The following PIP5K1A variants were observed in gnomAD, a reference collection of about 807,000 sequenced individuals.
The protein encoded by PIP5K1A is phosphatidylinositol-4-phosphate 5-kinase type 1 alpha, also known as phosphatidylinositol 4-phosphate 5-kinase type-1 alpha.
PIP5K1A carries 46 observed loss-of-function variants against 72.9 expected under a neutral mutation model. That is an observed-to-expected ratio of 0.63 (90% CI 0.50 to 0.81). PIP5K1A has a LOEUF of 0.81. PIP5K1A is among the 30% of genes least tolerant of loss of function. The probability of loss-of-function intolerance (pLI) is 0.00; values close to 1 mark genes in which losing one functional copy is unlikely to be tolerated. For missense variants in PIP5K1A, 458 were observed against 706.1 expected (o/e 0.65, Z 3.98); for synonymous variants, 228 against 255.1 (o/e 0.89, Z 1.01).
At chr1:151,241,789 A>G (rs1479625004) in intron 12 of PIP5K1A, among the ~76,000 whole-genome samples, 8 of 151,272 alleles carry the variant, frequency 5.3e-5, no homozygotes, top group Admixed American at 5.3e-4. Context: ...AACAAGAGCG[A>G]AACTCCATCT....
At chr1:151,210,779 G>T (rs908832322) in intron 1 of PIP5K1A, among the ~76,000 whole-genome samples, 1 of 151,884 alleles carries the variant, frequency 6.6e-6, no homozygotes. Flanking sequence ...GTAGAGACGG[G>T]TTTTGCCATG....
At chr1:151,222,648 C>T (rs879855702) in intron 1 of PIP5K1A, among the ~76,000 whole-genome samples, 1 of 152,058 alleles carries the variant, frequency 6.6e-6, no homozygotes. Context: ...TCTTCTAAAC[C>T]GTTTCCTCTG....
intron 14 of PIP5K1A, among the ~76,000 whole-genome samples, chr1:151,243,234 C>G (rs1037351735): frequency 6.6e-6 from 1 of 152,198 alleles, no homozygotes; most frequent in African/African-American, 2.4e-5. Flanking sequence ...GTCGAAAATA[C>G]ACTGACCCCC....
Position 151,244,194 on chromosome 1 carries a change from AGT to A in PIP5K1A, c.1640+1628_1640+1629del, listed in dbSNP as rs146351430. Among the ~76,000 whole-genome samples, 1,184 of 149,342 alleles carry A rather than the reference AGT, an allele frequency of 7.9e-3. 14 individuals are homozygous for A. The highest frequency in any genetic ancestry group is 0.017 in the Middle Eastern group (5 of 288). ...AAAAAATACTGAAAAAAAAAAAAAA[AGT>A]CGTGAAAATGTTATGTTGTTGCTGA... is the stretch of plus-strand genomic sequence containing the variant. On this transcript the variant is annotated intron_variant, in intron 14 of 15. Coordinates refer to ENST00000368888, the MANE Select transcript of PIP5K1A (RefSeq NM_001135638.2).
chr1:151,203,966 A>G (rs1015057486), intron 1 of PIP5K1A, among the ~76,000 whole-genome samples: 1 of 152,172 alleles, frequency 6.6e-6, no homozygotes, highest in African/African-American at 2.4e-5. Context: ...TGATTTAGAC[A>G]TAACTTTACA....
In PIP5K1A at chr1:151,249,396, TAGGGAA is replaced by T. The variant is rs1443518385; in HGVS notation, c.*1535_*1540del. On this transcript the variant is annotated 3_prime_UTR_variant, in exon 16 of 16. Coordinates refer to ENST00000368888, the MANE Select transcript of PIP5K1A (RefSeq NM_001135638.2). The stretch of plus-strand genomic sequence containing the variant: ...GAATATTTGAGGGAGGGCTGGGTCT[TAGGGAA>T]AGGAATGGGGAAGCAACATTTTTAT... 1.3e-5 allele frequency: 2 copies of T among 152,150 alleles called. No individual in the cohort carries two copies. Among genetic ancestry groups the T allele is most frequent in the Non-Finnish European group, 2.9e-5 (2 of 68,034 alleles). The allele number at this position is 152,150 out of a possible 1,614,324, so 9.4% of individuals were successfully genotyped here.
chr1:151,197,254 G>C (rs898751122), upstream of PIP5K1A, among the ~76,000 whole-genome samples: 2 of 151,826 alleles, frequency 1.3e-5, no homozygotes, highest in African/African-American at 4.8e-5. Flanking sequence ...TCATTCTGGG[G>C]GTTACAAAAC....
intron 1 of PIP5K1A, among the ~76,000 whole-genome samples, chr1:151,205,738 C>T (rs1685833904): frequency 3.3e-5 from 5 of 152,036 alleles, no homozygotes; most frequent in Admixed American, 3.3e-4. Context: ...GCGGAGGTTG[C>T]AGTGAGCTTA....
intron 1 of PIP5K1A, among the ~76,000 whole-genome samples, chr1:151,205,414 G>A (rs1043219411): frequency 2.0e-5 from 3 of 151,936 alleles, no homozygotes; most frequent in African/African-American, 7.2e-5. Context: ...GGCCTCAAGC[G>A]ATCCTCCTGC....
In PIP5K1A at chr1:151,219,851, C is replaced by CTTTTT. The variant is rs71237867; in HGVS notation, c.86-4378_86-4374dup. Among the ~76,000 whole-genome samples, 280 of 98,698 alleles carry CTTTTT rather than the reference C, an allele frequency of 2.8e-3. 14 individuals carry two copies. The highest frequency in any genetic ancestry group is 4.2e-3 in the Non-Finnish European group (226 of 53,786). The allele number at this position is 98,698 out of a possible 152,430, so 64.7% of individuals were successfully genotyped here. A position where few individuals can be genotyped will look rare whatever the true frequency, so the allele number is the denominator to read the frequency against. On this transcript the variant is annotated intron_variant, in intron 1 of 15. Transcript: ENST00000368888. ...AAACCCTGTCCTTACATATTCTTTCCTTTTTTTTTTTTTTTTTTTTGCCGA... is the reference window on the plus strand; with the variant it reads ...AAACCCTGTCCTTACATATTCTTTCCTTTTTTTTTTTTTTTTTTTTTTTTTGCCGA...
chr1:151,217,071 C>A (rs1423778992), intron 1 of PIP5K1A, among the ~76,000 whole-genome samples: 1 of 152,044 alleles, frequency 6.6e-6, no homozygotes, highest in East Asian at 1.9e-4. Context: ...TGCCACTACA[C>A]CCAGCTAATT....
chr1:151,222,435 T>G (rs931435688), intron 1 of PIP5K1A, among the ~76,000 whole-genome samples: 1 of 152,226 alleles, frequency 6.6e-6, no homozygotes, highest in Non-Finnish European at 1.5e-5. Context: ...GCTACATGTT[T>G]GTGTGATAAA....
At chr1:151,212,724 G>A (rs987314807) in intron 1 of PIP5K1A, among the ~76,000 whole-genome samples, 8 of 151,664 alleles carry the variant, frequency 5.3e-5, no homozygotes, top group African/African-American at 1.2e-4. Flanking sequence ...ACAGGCGCAC[G>A]CCACCACGCC....
chr1:151,235,914 C>T (rs953871635), intron 8 of PIP5K1A, among the ~76,000 whole-genome samples: 11 of 150,184 alleles, frequency 7.3e-5, no homozygotes, highest in African/African-American at 1.7e-4. Context: ...CCAGGTCAGG[C>T]GTTCGAGACC....
At chr1:151,204,344 T>C (rs1357050540) in intron 1 of PIP5K1A, among the ~76,000 whole-genome samples, 1 of 152,150 alleles carries the variant, frequency 6.6e-6, no homozygotes, top group Non-Finnish European at 1.5e-5. Context: ...GCCCGGCTAA[T>C]TTTTGTATTT....
intron 4 of PIP5K1A, among the ~76,000 whole-genome samples, chr1:151,230,783 GC>G (rs1020183443): frequency 6.6e-6 from 1 of 152,192 alleles, no homozygotes; most frequent in African/African-American, 2.4e-5. Flanking sequence ...AAAGTGGTCT[GC>G]CCACCTCAGT....
intron 1 of PIP5K1A, among the ~76,000 whole-genome samples, chr1:151,204,630 A>G (rs1315190518): frequency 6.6e-6 from 1 of 152,258 alleles, no homozygotes; most frequent in Non-Finnish European, 1.5e-5. Context: ...ATAGAATACA[A>G]TGTCAGAATA....
chr1:151,198,202 A>G, upstream of PIP5K1A: 1 of 432,102 alleles, frequency 2.3e-6, no homozygotes, highest in African/African-American at 2.1e-5. Flanking sequence ...TGGTGGTATT[A>G]AATGTTTTGT....
chr1:151,238,334 A>G (rs1691175959), intron 10 of PIP5K1A, 69 bp downstream of exon 10: 4 of 1,055,002 alleles, frequency 3.8e-6, no homozygotes, highest in Non-Finnish European at 5.9e-6. Context: ...TCTCTTTTAG[A>G]TAGGTTTGTT....
Sources: gnomAD v4.1 joint callset for allele counts (sites outside exome capture counted in the v4.1 genomes callset) on GRCh38, gnomAD v4.1.1 for gene constraint, MANE v1.5 for transcripts, NCBI Gene and HGNC (gene_info 2026-07-23, HGNC 2026-07-21) for gene names.